Variants in ZNF654 observed in about 807,000 individuals in gnomAD.
ZNF654 encodes the protein melanoma-associated antigen.
In ZNF654, 19 loss-of-function variants were observed where a neutral mutation model predicts 95.3. The ratio of observed to expected loss-of-function variants is 0.20; its 90% CI spans 0.14 to 0.29. The LOEUF (loss-of-function observed/expected upper bound fraction) is 0.29. ZNF654 is among the 10% of genes least tolerant of loss of function. The probability of loss-of-function intolerance (pLI) is 1.00; values close to 1 mark genes in which losing one functional copy is unlikely to be tolerated. For synonymous variants in ZNF654, 413 were observed against 457.9 expected (o/e 0.90, Z 1.25); for missense variants, 1,046 against 1,341.0 (o/e 0.78, Z 3.44).
intron 6 of ZNF654, among the ~76,000 whole-genome samples, chr3:88,134,592 G>C (rs1224919960): frequency 6.6e-6 from 1 of 151,908 alleles, no homozygotes; most frequent in Non-Finnish European, 1.5e-5. Context: ...TACTATTTCA[G>C]AATCAATACT....
rs181003493 is a variant in ZNF654 at position 88,108,947 on chromosome 3, C to T, written c.333-4168C>T. On this transcript the variant is annotated intron_variant, in intron 2 of 8. Transcript: ENST00000636215. Reference sequence around the variant, plus strand: ...CTAGTTTTACTGTCACACCTCAAACCGCAAAATTTAAAGCCACATGGTGCA... The same window carrying T: ...CTAGTTTTACTGTCACACCTCAAACTGCAAAATTTAAAGCCACATGGTGCA... 4.3e-3 allele frequency among the ~76,000 whole-genome samples: 657 copies of T among 152,096 alleles called. 16 individuals carry two copies. Among genetic ancestry groups the T allele is most frequent in the Non-Finnish European group, 1.0e-3 (69 of 67,998 alleles).
chr3:88,059,698 C>G (rs1408166505), intron 1 of ZNF654, among the ~76,000 whole-genome samples, 193 bp downstream of exon 1: 23 of 152,074 alleles, frequency 1.5e-4, no homozygotes, highest in Admixed American at 1.5e-3. Flanking sequence ...GGGTGACCCA[C>G]GGGCTTAGGG....
At chr3:88,127,990 T>A (rs1706220708) in intron 4 of ZNF654, among the ~76,000 whole-genome samples, 1 of 152,204 alleles carries the variant, frequency 6.6e-6, no homozygotes, top group Non-Finnish European at 1.5e-5. Flanking sequence ...TAGAAGCTAC[T>A]GATTAAATAT....
At chr3:88,105,183 A>G (rs1245964714) in intron 2 of ZNF654, among the ~76,000 whole-genome samples, 1 of 152,148 alleles carries the variant, frequency 6.6e-6, no homozygotes, top group African/African-American at 2.4e-5. Context: ...GTCTATGCCT[A>G]TTAAAGACAG....
intron 1 of ZNF654, among the ~76,000 whole-genome samples, chr3:88,077,458 G>A (rs1238288767): frequency 6.6e-6 from 1 of 151,356 alleles, no homozygotes; most frequent in Non-Finnish European, 1.5e-5. Flanking sequence ...TCAGCCTCCC[G>A]AGGAGGTGGG....
chr3:88,063,274 C>A (rs1576177428), intron 1 of ZNF654, among the ~76,000 whole-genome samples: 1 of 152,110 alleles, frequency 6.6e-6, no homozygotes, highest in South Asian at 2.1e-4. Context: ...TGTACCCTTA[C>A]TTTGGGACTC....
intron 3 of ZNF654, among the ~76,000 whole-genome samples, chr3:88,119,394 GGGAGGGGGGA>G (rs1705624162): frequency 2.4e-4 from 1 of 4,216 alleles, no homozygotes; most frequent in Non-Finnish European, 3.2e-3. Context: ...GTGGGGTGGG[GGGAGGGGGGA>G]GGGGGGAGGG....
rs947634170 is a variant in ZNF654 at position 88,142,181 on chromosome 3, TTATACA to T, written c.*531_*536del. 3 of 152,412 alleles carry T rather than the reference TTATACA, an allele frequency of 2.0e-5. No homozygotes were observed. Among genetic ancestry groups the T allele is most frequent in the African/African-American group, 7.2e-5 (3 of 41,434 alleles). 9.4% of individuals were successfully genotyped at this position (152,412 alleles called of 1,614,324 possible). On this transcript the variant is annotated 3_prime_UTR_variant, in exon 9 of 9. Transcript: ENST00000636215. Reference sequence around the variant, plus strand: ...TTTGGTTTGTGATTGATTTAGAAACTTATACATTAACTTACCACAGTGCTATCAATT... The same window carrying T: ...TTTGGTTTGTGATTGATTTAGAAACTTTAACTTACCACAGTGCTATCAATT...
At chr3:88,105,094 G>A (rs1704655802) in intron 2 of ZNF654, among the ~76,000 whole-genome samples, 2 of 152,198 alleles carry the variant, frequency 1.3e-5, no homozygotes, top group Admixed American at 1.3e-4. Context: ...GAGCTGAGTT[G>A]CACCACTGCA....
chr3:88,140,154 C>T lies in ZNF654; in HGVS notation c.2485C>T (p.Pro829Ser). 6.2e-7 allele frequency: 1 copy of T among 1,613,796 alleles called. No homozygotes were observed. Among genetic ancestry groups the T allele is most frequent in the Non-Finnish European group, 8.5e-7 (1 of 1,179,754 alleles). ...HFNCNESFKL[P>S]FQLAQHTKSH... is the part of the protein sequence containing the mutation. ...TAATTGCAACGAGTCGTTTAAGCTGCCGTTCCAGCTTGCCCAGCACACAAA... is the reference window on the plus strand; with the variant it reads ...TAATTGCAACGAGTCGTTTAAGCTGTCGTTCCAGCTTGCCCAGCACACAAA... Residue 829 changes from proline (P) to serine (S), a missense_variant, in exon 8 of 9, where the codon CCG (proline) becomes TCG (serine). Around this residue, in one of 9 missense-constraint regions of ZNF654, gnomAD observed 495 missense variants for 537.0 expected, o/e 0.92. Coordinates refer to ENST00000636215, the MANE Select transcript of ZNF654 (RefSeq NM_001350134.2).
chr3:88,115,469 A>G (rs748679238), intron 3 of ZNF654, among the ~76,000 whole-genome samples: 5 of 152,186 alleles, frequency 3.3e-5, no homozygotes, highest in Non-Finnish European at 7.3e-5. Flanking sequence ...CAAAATGATC[A>G]TGTCACTGTT....
intron 1 of ZNF654, among the ~76,000 whole-genome samples, chr3:88,066,671 G>A (rs545611350): frequency 2.4e-4 from 37 of 152,116 alleles, no homozygotes; most frequent in African/African-American, 8.9e-4. Flanking sequence ...AAGTTTTTTA[G>A]TTATATCATC....
intron 3 of ZNF654, among the ~76,000 whole-genome samples, chr3:88,125,900 T>C (rs556073007): frequency 6.6e-6 from 1 of 152,326 alleles, no homozygotes; most frequent in Admixed American, 6.5e-5. Context: ...ACGTCATCCC[T>C]ATTTGGGATT....
intron 3 of ZNF654, 99 bp from the exon 4 acceptor site, chr3:88,126,035 C>T: frequency 1.7e-6 from 2 of 1,197,420 alleles, no homozygotes; most frequent in Non-Finnish European, 2.2e-6. Flanking sequence ...AATTTAATAG[C>T]TGCCTCACTG....
chr3:88,060,249 A>G (rs1369476676), intron 1 of ZNF654, among the ~76,000 whole-genome samples: 1 of 152,112 alleles, frequency 6.6e-6, no homozygotes, highest in East Asian at 1.9e-4. Context: ...TATATAATGT[A>G]TTTTATTTAG....
Position 88,138,998 on chromosome 3 carries a change from G to A in ZNF654, c.1329G>A (p.Lys443=). 8.0e-7 allele frequency: 1 copy of A among 1,245,320 alleles called. No homozygotes were observed. The highest frequency in any genetic ancestry group is 1.0e-6 in the Non-Finnish European group (1 of 996,788). 77.1% of individuals were successfully genotyped at this position (1,245,320 alleles called of 1,614,324 possible). A position where few individuals can be genotyped will look rare whatever the true frequency, so the allele number is the denominator to read the frequency against. Residue 443 remains lysine, a synonymous_variant, in exon 8 of 9, where the codon AAG becomes AAA. Coordinates refer to ENST00000636215, the MANE Select transcript of ZNF654 (RefSeq NM_001350134.2). ...VRFELLPILK[K]GLFFDPEFWN... is the part of the protein sequence containing the mutation. ...TTGAATTGCTTCCAATTTTGAAAAA[G>A]GGATTGTTTTTTGACCCTGAATTTT...
At position 88,143,994 on chromosome 3, in the gene ZNF654, G is replaced by C. The variant is rs1257247013; in HGVS notation, c.*2342G>C. The C allele has an allele frequency of 6.6e-6, 1 of 152,258 alleles. No homozygotes were observed. The highest frequency in any genetic ancestry group is 1.5e-5 in the Non-Finnish European group (1 of 67,788). 9.4% of individuals were successfully genotyped at this position (152,258 alleles called of 1,614,324 possible). On this transcript the variant is annotated 3_prime_UTR_variant, in exon 9 of 9. Transcript: ENST00000636215. ...AAGGAAGCTTGCTTCTTATTCCTCA[G>C]ATTCTTCTTTTTTTCTGTTTTGAGG...
chr3:88,139,173 C>T lies in ZNF654; in HGVS notation c.1504C>T (p.Leu502Phe), dbSNP rs377007356. 266 of 1,392,652 alleles carry T rather than the reference C, an allele frequency of 1.9e-4. No individual in the cohort carries two copies. In the African/African-American group the frequency reaches 3.8e-3, roughly 20 times the overall value. The allele number at this position is 1,392,652 out of a possible 1,614,324, so 86.3% of individuals were successfully genotyped here. A position where few individuals can be genotyped will look rare whatever the true frequency, so the allele number is the denominator to read the frequency against. The change falls in exon 8 of 9, where the codon CTT becomes TTT. Residue 502 changes from leucine (L) to phenylalanine (F), a missense_variant. Leu to Phe is a conservative substitution (Grantham distance 22). This residue lies in a region of ZNF654 where 100 missense variants were observed against 108.9 expected (regional missense o/e 0.92). Transcript: ENST00000636215. ...AGGTTTGGATGAAGGGTTTGACTCT[C>T]TTACAGATCAGAGCACTGGAGAGAC... ...QQGLDEGFDS[L>F]TDQSTGETDP...
Position 88,143,594 on chromosome 3 carries a change from G to A in ZNF654, c.*1942G>A, listed in dbSNP as rs1202973546. Reference sequence around the variant, plus strand: ...TAATATTTTATCACATTTTCCACAAGTTGTAACAATTGATATAAATCCATG... The same window carrying A: ...TAATATTTTATCACATTTTCCACAAATTGTAACAATTGATATAAATCCATG... On this transcript the variant is annotated 3_prime_UTR_variant, in exon 9 of 9. Coordinates refer to ENST00000636215, the MANE Select transcript of ZNF654 (RefSeq NM_001350134.2). 1 of 152,138 alleles carries A rather than the reference G, an allele frequency of 6.6e-6. No homozygotes were observed. Among genetic ancestry groups the A allele is most frequent in the Non-Finnish European group, 1.5e-5 (1 of 67,728 alleles). The allele number at this position is 152,138 out of a possible 1,614,324, so 9.4% of individuals were successfully genotyped here. A position where few individuals can be genotyped will look rare whatever the true frequency, so the allele number is the denominator to read the frequency against.
Sources: allele counts gnomAD v4.1 joint callset (sites outside exome capture counted in the v4.1 genomes callset), GRCh38; gene constraint gnomAD v4.1.1; regional missense constraint gnomAD v4.1.1; transcripts MANE v1.5; gene names NCBI Gene and HGNC (gene_info 2026-07-23, HGNC 2026-07-21).